The following DPH6 variants were observed in gnomAD, a reference collection of about 807,000 sequenced individuals.
DPH6 encodes diphthamine biosynthesis 6, also known as diphthine--ammonia ligase.
In DPH6, 33 loss-of-function variants were observed where a neutral mutation model predicts 38.2. That is an observed-to-expected ratio of 0.86 (90% confidence interval 0.65 to 1.15). DPH6 has a LOEUF of 1.15. DPH6 is among the 50% of genes most tolerant of loss of function. The probability of loss-of-function intolerance (pLI) is 0.00; values close to 1 mark genes in which losing one functional copy is unlikely to be tolerated. For missense variants in DPH6, 325 were observed against 320.0 expected, an observed-to-expected ratio of 1.02 and a Z score of -0.12; for synonymous variants, 108 against 103.0, an observed-to-expected ratio of 1.05 and a Z score of -0.30.
intron 3 of DPH6, among the ~76,000 whole-genome samples, chr15:35,332,199 T>A (rs1169840350): frequency 6.6e-6 from 1 of 152,202 alleles, no homozygotes; most frequent in Non-Finnish European, 1.5e-5. Context: ...TAAAAATAAT[T>A]CACATGTTCA....
At chr15:35,512,050 T>C (rs993555455) in intron 3 of DPH6, among the ~76,000 whole-genome samples, 3 of 152,184 alleles carry the variant, frequency 2.0e-5, no homozygotes, top group Non-Finnish European at 2.9e-5. Context: ...GTATTTTCTA[T>C]GGGATATTTA....
At chr15:35,187,903 G>C in the DPH6 span, among the ~76,000 whole-genome samples, 1 of 152,204 alleles carries the variant, frequency 6.6e-6, no homozygotes, top group Non-Finnish European at 1.5e-5. Flanking sequence ...AGCACTTTGG[G>C]AGGCTAAGGC....
chr15:35,282,098 T>C (rs2051902961), intron 3 of DPH6, among the ~76,000 whole-genome samples: 1 of 152,244 alleles, frequency 6.6e-6, no homozygotes, highest in South Asian at 2.1e-4. Context: ...TCTCTTTTTA[T>C]ATAAAACTAA....
At chr15:35,325,884 A>G (rs2052278136), downstream of DPH6, among the ~76,000 whole-genome samples, 1 of 152,208 alleles carries the variant, frequency 6.6e-6, no homozygotes, top group Admixed American at 6.5e-5. Context: ...ATCAATAAAA[A>G]GGATAGATAA....
intron 5 of DPH6, among the ~76,000 whole-genome samples, chr15:35,445,172 G>A (rs1466125711): frequency 1.3e-5 from 2 of 151,960 alleles, no homozygotes; most frequent in African/African-American, 4.8e-5. Context: ...CTCCCTCAAG[G>A]TGGTCTTCCA....
At chr15:35,420,300 G>A (rs62002911) in intron 5 of DPH6, among the ~76,000 whole-genome samples, 46,538 of 151,912 alleles carry the variant, frequency 0.31, 7,853 homozygotes, top group African/African-American at 0.45. Context: ...AGCAAAAGCA[G>A]TTCTAAGAGG....
chr15:35,367,746 G>T (rs936180791), downstream of DPH6, among the ~76,000 whole-genome samples: 2 of 151,450 alleles, frequency 1.3e-5, no homozygotes, highest in Non-Finnish European at 3.0e-5. Flanking sequence ...AAGTTTAAGG[G>T]TCATCATATG....
chr15:35,305,453 C>T (rs1406372485), intron 3 of DPH6, among the ~76,000 whole-genome samples: 1 of 151,896 alleles, frequency 6.6e-6, no homozygotes. Context: ...TCCTGTGATT[C>T]AAACCACTTT....
chr15:35,356,000 T>G (rs2140899342), intron 3 of DPH6, among the ~76,000 whole-genome samples: 1 of 152,358 alleles, frequency 6.6e-6, no homozygotes, highest in South Asian at 2.1e-4. Context: ...TTCTTTTTTC[T>G]CTAAACTTCT....
chr15:35,412,417 T>C (rs1031582986), intron 5 of DPH6, among the ~76,000 whole-genome samples: 2 of 151,632 alleles, frequency 1.3e-5, no homozygotes, highest in Non-Finnish European at 3.0e-5. Flanking sequence ...TGTAAGACAG[T>C]TGGGAGGTTC....
At chr15:35,374,682 T>C (rs1320557917) in intron 7 of DPH6, among the ~76,000 whole-genome samples, 1 of 152,056 alleles carries the variant, frequency 6.6e-6, no homozygotes, top group Non-Finnish European at 1.5e-5. Context: ...TAAAAAGGCT[T>C]CCATGACATT....
the DPH6 span, among the ~76,000 whole-genome samples, chr15:35,157,466 T>G: frequency 6.6e-6 from 1 of 152,122 alleles, no homozygotes; most frequent in Non-Finnish European, 1.5e-5. Context: ...AAGGAGTCCA[T>G]GAGCACCTCT....
chr15:35,262,879 AC>A (rs2051758521), intron 3 of DPH6, among the ~76,000 whole-genome samples: 1 of 152,148 alleles, frequency 6.6e-6, no homozygotes, highest in Non-Finnish European at 1.5e-5. Context: ...TCTCATGCTT[AC>A]ATGTCTTAAA....
intron 3 of DPH6, among the ~76,000 whole-genome samples, chr15:35,239,800 C>T (rs1294384204): frequency 7.0e-6 from 1 of 141,872 alleles, no homozygotes; most frequent in Non-Finnish European, 1.5e-5. Context: ...GGCAAGAACC[C>T]CCCAATCGCT....
At chr15:35,438,986 T>C (rs1451400380) in intron 5 of DPH6, among the ~76,000 whole-genome samples, 1 of 152,242 alleles carries the variant, frequency 6.6e-6, no homozygotes, top group Non-Finnish European at 1.5e-5. Context: ...GGGTATTATA[T>C]GGTTTTTCTG....
chr15:35,172,061 T>C, the DPH6 span, among the ~76,000 whole-genome samples: 5 of 152,204 alleles, frequency 3.3e-5, no homozygotes, highest in Admixed American at 1.3e-4. Flanking sequence ...AGAGACAGGG[T>C]TTCACCATGT....
downstream of DPH6, among the ~76,000 whole-genome samples, chr15:35,368,351 T>C (rs1329753703): frequency 3.3e-5 from 5 of 151,866 alleles, no homozygotes; most frequent in Non-Finnish European, 1.5e-5. Context: ...AGGGGAATCC[T>C]AGGAGCAAGA....
chr15:35,485,645 C>T (rs952606063), intron 3 of DPH6, among the ~76,000 whole-genome samples: 3 of 152,148 alleles, frequency 2.0e-5, no homozygotes, highest in Non-Finnish European at 4.4e-5. Flanking sequence ...CTTCCTTGCC[C>T]ATGCTTTATT....
intron 5 of DPH6, among the ~76,000 whole-genome samples, chr15:35,434,818 G>A (rs998553845): frequency 2.0e-5 from 3 of 152,126 alleles, no homozygotes; most frequent in African/African-American, 7.2e-5. Flanking sequence ...TTGTCGCCCA[G>A]GCTGGAGTGC....
Sources: allele counts gnomAD v4.1 joint callset (sites outside exome capture counted in the v4.1 genomes callset), GRCh38; gene constraint gnomAD v4.1.1; transcripts MANE v1.5; gene names NCBI Gene and HGNC (gene_info 2026-07-23, HGNC 2026-07-21).